The following SGCG variants were observed in gnomAD, a reference collection of about 807,000 sequenced individuals.
The protein encoded by SGCG is gamma-sarcoglycan.
In SGCG, 26 loss-of-function variants were observed where a neutral mutation model predicts 29.3. The observed-to-expected ratio is 0.89, with a 90% confidence interval of 0.65 to 1.23. The LOEUF (loss-of-function observed/expected upper bound fraction) is 1.23. Ranked by LOEUF, SGCG falls within the 50% of genes most tolerant of loss-of-function variation. SGCG has a pLI of 0.00. For synonymous variants in SGCG, 145 were observed against 129.7 expected (o/e 1.12, Z -0.80); for missense variants, 353 against 356.0 (o/e 0.99, Z 0.07).
chr13:23,255,322 A>G (rs1034640821), intron 4 of SGCG, among the ~76,000 whole-genome samples: 1 of 152,174 alleles, frequency 6.6e-6, no homozygotes, highest in Non-Finnish European at 1.5e-5. Context: ...ACATTTACCC[A>G]ATGCTTCTAC....
chr13:23,230,589 T>C (rs374255801), intron 2 of SGCG, among the ~76,000 whole-genome samples: 10 of 152,156 alleles, frequency 6.6e-5, no homozygotes, highest in African/African-American at 2.4e-4. Flanking sequence ...AGCTTAGGGG[T>C]GCTGTTAATG....
chr13:23,239,822 G>A (rs1879440964), intron 3 of SGCG, among the ~76,000 whole-genome samples: 1 of 151,958 alleles, frequency 6.6e-6, no homozygotes, highest in Non-Finnish European at 1.5e-5. Flanking sequence ...AAAACAGAAA[G>A]TATAGCTAAT....
At chr13:23,219,751 A>T (rs974468440) in intron 2 of SGCG, among the ~76,000 whole-genome samples, 41 of 143,450 alleles carry the variant, frequency 2.9e-4, no homozygotes, top group African/African-American at 9.3e-4. Context: ...CACAATTATT[A>T]TTTTTTTTTT....
In SGCG at chr13:23,233,982, T is replaced by C. The variant is rs115587199; in HGVS notation, c.196-629T>C. ...CCCTGAGAATGCAAAGGGCATGAAT[T>C]GGGAAATGCCCACAAGTTTTAACAG... On this transcript the variant is annotated intron_variant, in intron 2 of 7. Transcript: ENST00000218867. Among the ~76,000 whole-genome samples the C allele has an allele frequency of 9.6e-3, 1,464 of 152,288 alleles. 25 individuals are homozygous for C. The highest frequency in any genetic ancestry group is 0.033 in the African/African-American group (1,372 of 41,570).
Position 23,314,276 on chromosome 13 carries a change from A to G in SGCG, c.579-6361A>G, listed in dbSNP as rs192944864. 3.7e-3 allele frequency among the ~76,000 whole-genome samples: 554 copies of G among 148,460 alleles called. 8 individuals are homozygous for G. Among genetic ancestry groups the G allele is most frequent in the Non-Finnish European group, 7.6e-4 (51 of 67,490 alleles). On this transcript the variant is annotated intron_variant, in intron 6 of 7. Coordinates refer to ENST00000218867, the MANE Select transcript of SGCG (RefSeq NM_000231.3). Reference sequence around the variant, plus strand: ...AGGGTTCCCTAGAGGGACAGAACTAATAAGATATGGACTTGGAATATCTTA... The same window carrying G: ...AGGGTTCCCTAGAGGGACAGAACTAGTAAGATATGGACTTGGAATATCTTA...
In SGCG at chr13:23,316,349, A is replaced by G. The variant is rs1367855382; in HGVS notation, c.579-4288A>G. 2.6e-5 allele frequency among the ~76,000 whole-genome samples: 4 copies of G among 152,234 alleles called. No individual in the cohort carries two copies. The East Asian group carries it at 7.7e-4, about 29-fold the overall frequency. Reference sequence around the variant, plus strand: ...GGAATGCCTTATCCACCATCATGGTATTCCACACAGCATTGCCTCTGATCA... The same window carrying G: ...GGAATGCCTTATCCACCATCATGGTGTTCCACACAGCATTGCCTCTGATCA... On this transcript the variant is annotated intron_variant, in intron 6 of 7. Coordinates refer to ENST00000218867, the MANE Select transcript of SGCG (RefSeq NM_000231.3).
chr13:23,185,720 G>C (rs1388178095), intron 1 of SGCG, among the ~76,000 whole-genome samples: 1 of 152,242 alleles, frequency 6.6e-6, no homozygotes, highest in Non-Finnish European at 1.5e-5. Context: ...CAAATCCAGA[G>C]AGGGGCCGGG....
the SGCG span, among the ~76,000 whole-genome samples, chr13:23,170,240 C>T: frequency 0.12 from 18,562 of 152,152 alleles, 1,185 homozygotes; most frequent in East Asian, 0.16. Flanking sequence ...TGTTAAGGAA[C>T]TGGGCTGGGT....
At chr13:23,223,444 A>G (rs1472506083) in intron 2 of SGCG, among the ~76,000 whole-genome samples, 2 of 152,124 alleles carry the variant, frequency 1.3e-5, no homozygotes, top group African/African-American at 2.4e-5. Flanking sequence ...TTCCCTGCCA[A>G]TGACTTTAAA....
intron 6 of SGCG, among the ~76,000 whole-genome samples, chr13:23,303,728 G>C (rs1266976524): frequency 1.3e-5 from 2 of 152,164 alleles, no homozygotes; most frequent in Non-Finnish European, 2.9e-5. Flanking sequence ...TTTTCATATT[G>C]TTGGAGATAT....
At chr13:23,232,155 C>T (rs1298661156) in intron 2 of SGCG, among the ~76,000 whole-genome samples, 1 of 151,936 alleles carries the variant, frequency 6.6e-6, no homozygotes, top group Non-Finnish European at 1.5e-5. Context: ...GCTCATCTAC[C>T]CAGTATGGGA....
the SGCG span, among the ~76,000 whole-genome samples, chr13:23,162,343 G>T: frequency 9.0e-4 from 137 of 152,312 alleles, 2 homozygotes; most frequent in Middle Eastern, 0.01. Flanking sequence ...GGGCGGGCGC[G>T]GTGGCTCACG....
intron 2 of SGCG, among the ~76,000 whole-genome samples, chr13:23,216,378 A>G (rs1001732723): frequency 6.6e-6 from 1 of 152,178 alleles, no homozygotes; most frequent in African/African-American, 2.4e-5. Context: ...AAGTGTAAAT[A>G]TGAAAGATAA....
chr13:23,290,535 T>A, intron 5 of SGCG, among the ~76,000 whole-genome samples: 1 of 152,176 alleles, frequency 6.6e-6, no homozygotes, highest in East Asian at 1.9e-4. Flanking sequence ...ATTGCTATCT[T>A]AAGGAGAGCA....
At chr13:23,262,150 C>G (rs1880463291) in intron 4 of SGCG, among the ~76,000 whole-genome samples, 1 of 151,876 alleles carries the variant, frequency 6.6e-6, no homozygotes, top group South Asian at 2.1e-4. Context: ...CGAACAGTAC[C>G]TCACATCTCA....
At position 23,182,840 on chromosome 13, in the gene SGCG, A is replaced by T. The variant is rs9507046; in HGVS notation, c.-1+1765A>T. Among the ~76,000 whole-genome samples the T allele has an allele frequency of 6.5e-3, 982 of 152,248 alleles. 14 individuals carry two copies. The highest frequency in any genetic ancestry group is 0.042 in the South Asian group (200 of 4,806). Reference sequence around the variant, plus strand: ...GTGCTTCATCCTAAGCACCAGTGAGACCTTTGAACCTCTAGAAAAGGAGAG... The same window carrying T: ...GTGCTTCATCCTAAGCACCAGTGAGTCCTTTGAACCTCTAGAAAAGGAGAG... On this transcript the variant is annotated intron_variant, in intron 1 of 7. Transcript: ENST00000218867.
intron 2 of SGCG, among the ~76,000 whole-genome samples, chr13:23,215,801 A>T (rs74039775): frequency 0.2 from 13,907 of 69,056 alleles, 845 homozygotes; most frequent in Admixed American, 0.33. Context: ...GCTGAGAGTT[A>T]AAAAAAAAAA....
intron 6 of SGCG, among the ~76,000 whole-genome samples, chr13:23,303,941 A>G (rs1017791224): frequency 6.6e-6 from 1 of 152,138 alleles, no homozygotes; most frequent in African/African-American, 2.4e-5. Flanking sequence ...AATATTTTAA[A>G]TTTTGCCAAT....
intron 6 of SGCG, among the ~76,000 whole-genome samples, chr13:23,297,892 C>T (rs1417992925): frequency 6.6e-6 from 1 of 151,380 alleles, no homozygotes; most frequent in Non-Finnish European, 1.5e-5. Context: ...TTACAGGTGC[C>T]CACGACCACA....
Sources: gnomAD v4.1 joint callset for allele counts (sites outside exome capture counted in the v4.1 genomes callset) on GRCh38, gnomAD v4.1.1 for gene constraint, MANE v1.5 for transcripts, NCBI Gene and HGNC (gene_info 2026-07-23, HGNC 2026-07-21) for gene names.